Variants in DUSP13A observed in about 807,000 individuals in gnomAD.
The protein encoded by DUSP13A is dual specificity protein phosphatase 13A.
chr10:75,107,807 C>T, the DUSP13A span, among the ~76,000 whole-genome samples: 1 of 152,146 alleles, frequency 6.6e-6, no homozygotes, highest in Non-Finnish European at 1.5e-5. Flanking sequence ...GAACTCCTGA[C>T]CTCAGGCGAT....
the DUSP13A span, among the ~76,000 whole-genome samples, chr10:75,106,760 G>T: frequency 1.5e-3 from 229 of 152,356 alleles, 3 homozygotes; most frequent in East Asian, 0.035. Context: ...CTCAGTGCCA[G>T]GCACGTAGTG....
At chr10:75,106,481 C>T in the DUSP13A span, among the ~76,000 whole-genome samples, 45 of 152,332 alleles carry the variant, frequency 3.0e-4, no homozygotes, top group Non-Finnish European at 5.4e-4. Flanking sequence ...GCTTCCTCCA[C>T]AGGCTTTCTT....
the DUSP13A span, chr10:75,107,969 T>A: frequency 6.3e-7 from 1 of 1,596,994 alleles, no homozygotes; most frequent in Non-Finnish European, 8.5e-7. Flanking sequence ...AGATGGGATA[T>A]GGGCTTGGAC....
the DUSP13A span, chr10:75,105,857 C>T: frequency 5.8e-6 from 9 of 1,549,116 alleles, no homozygotes; most frequent in East Asian, 1.2e-4. Context: ...ACACAGTGCA[C>T]CAGGACCTTG....
At chr10:75,107,734 G>T in the DUSP13A span, among the ~76,000 whole-genome samples, 1 of 152,188 alleles carries the variant, frequency 6.6e-6, no homozygotes. Context: ...GTGCCACCAT[G>T]CCCGGCTAAT....
chr10:75,108,745 T>C, the DUSP13A span, among the ~76,000 whole-genome samples: 1 of 152,168 alleles, frequency 6.6e-6, no homozygotes, highest in East Asian at 1.9e-4. Flanking sequence ...GCCTCTACAC[T>C]TGACAGTTGT....
At chr10:75,108,584 A>T in the DUSP13A span, among the ~76,000 whole-genome samples, 1 of 152,064 alleles carries the variant, frequency 6.6e-6, no homozygotes, top group East Asian at 1.9e-4. Context: ...CCTGCTTCTA[A>T]CCTACAAATG....
At chr10:75,108,971 G>A in the DUSP13A span, 14 of 1,559,150 alleles carry the variant, frequency 9.0e-6, no homozygotes, top group Admixed American at 3.7e-5. Context: ...GCCTCTCCAC[G>A]TCCCCACCCC....
At chr10:75,108,862 C>T in the DUSP13A span, 3 of 1,083,510 alleles carry the variant, frequency 2.8e-6, no homozygotes, top group African/African-American at 1.6e-5. Context: ...CCTCAGCACC[C>T]CCGGGGGTCC....
At chr10:75,108,073 G>A in the DUSP13A span, 1 of 1,613,894 alleles carries the variant, frequency 6.2e-7, no homozygotes, top group Non-Finnish European at 8.5e-7. Flanking sequence ...GGGAGGTCGT[G>A]GGCTGGCACC....
the DUSP13A span, chr10:75,109,130 C>T: frequency 2.5e-6 from 4 of 1,606,168 alleles, no homozygotes; most frequent in South Asian, 1.1e-5. Flanking sequence ...TCCTCTCCCC[C>T]CAGCTCTGGG....
At chr10:75,109,079 G>A in the DUSP13A span, 1 of 1,612,364 alleles carries the variant, frequency 6.2e-7, no homozygotes, top group Non-Finnish European at 8.5e-7. Context: ...GCCCGCAGGA[G>A]CTCCTCCAGC....
the DUSP13A span, chr10:75,107,908 G>A: frequency 3.5e-6 from 5 of 1,428,774 alleles, no homozygotes; most frequent in Non-Finnish European, 4.8e-6. Context: ...GCAGGGATGG[G>A]AGGGCACTGA....
the DUSP13A span, among the ~76,000 whole-genome samples, chr10:75,106,036 G>T: frequency 1.3e-5 from 2 of 151,802 alleles, no homozygotes; most frequent in African/African-American, 4.8e-5. Context: ...AAAATGGGTA[G>T]ATCAACACCT....
the DUSP13A span, among the ~76,000 whole-genome samples, chr10:75,106,637 T>C: frequency 1.3e-5 from 2 of 152,216 alleles, no homozygotes; most frequent in East Asian, 3.9e-4. Context: ...CCCTCCACAC[T>C]GGCCCACTCT....
At chr10:75,105,908 C>G in the DUSP13A span, 4 of 1,530,764 alleles carry the variant, frequency 2.6e-6, no homozygotes, top group South Asian at 4.8e-5. Flanking sequence ...GTCCCACACA[C>G]CGGCCCACCC....
At chr10:75,106,943 C>A in the DUSP13A span, among the ~76,000 whole-genome samples, 1 of 152,358 alleles carries the variant, frequency 6.6e-6, no homozygotes, top group African/African-American at 2.4e-5. Context: ...GTGAGGGACA[C>A]AGCTGTCTTC....
chr10:75,108,269 G>T, the DUSP13A span: 1 of 1,532,818 alleles, frequency 6.5e-7, no homozygotes. Flanking sequence ...GAGGGAGGCT[G>T]TGCCTGGCCC....
the DUSP13A span, chr10:75,108,390 G>T: frequency 8.7e-7 from 1 of 1,149,494 alleles, no homozygotes; most frequent in Non-Finnish European, 1.2e-6. Context: ...ACTTTCTGGT[G>T]GCTGAGCCGG....
Sources: allele counts gnomAD v4.1 joint callset (sites outside exome capture counted in the v4.1 genomes callset), GRCh38; gene constraint gnomAD v4.1.1; transcripts MANE v1.5; gene names NCBI Gene and HGNC (gene_info 2026-07-23, HGNC 2026-07-21).